LRFN5: variants seen among roughly 807,000 people sequenced by gnomAD.
The protein encoded by LRFN5 is leucine-rich repeat and fibronectin type-III domain-containing protein 5.
LRFN5 carries 24 observed loss-of-function variants against 45.6 expected under a neutral mutation model. The observed-to-expected ratio is 0.53, with a 90% CI of 0.38 to 0.74. The LOEUF (loss-of-function observed/expected upper bound fraction) is 0.74. Ranked by LOEUF, LRFN5 falls within the 30% of genes least tolerant of loss-of-function variation. LRFN5 has a pLI of 0.00. For synonymous variants in LRFN5, 340 were observed against 313.8 expected, an observed-to-expected ratio of 1.08 and a Z score of -0.88; for missense variants, 776 against 861.5, an observed-to-expected ratio of 0.90 and a Z score of 1.24.
In LRFN5 at chr14:41,840,665, A is replaced by G. The variant is rs1191013657; in HGVS notation, c.-20-45941A>G. ...TTTCCCCTCATCCCTTAAGTAGGGA[A>G]AATTGTAACCTTGCCATTATATTAT... On this transcript the variant is annotated intron_variant, in intron 2 of 5. Coordinates refer to ENST00000298119, the MANE Select transcript of LRFN5 (RefSeq NM_152447.5). Among the ~76,000 whole-genome samples the G allele has an allele frequency of 2.0e-5, 3 of 152,018 alleles. No individual in the cohort carries two copies. The East Asian group carries it at 5.8e-4, about 29-fold the overall frequency.
intron 5 of LRFN5, among the ~76,000 whole-genome samples, chr14:41,902,094 G>A (rs988741): frequency 0.64 from 96,628 of 151,686 alleles, 31,115 homozygotes; most frequent in Middle Eastern, 0.78. Context: ...GAGAATAGGG[G>A]CAGTAATAAA....
intron 1 of LRFN5, chr14:41,699,567 C>T (rs186219287): frequency 2.3e-4 from 35 of 152,132 alleles, no homozygotes; most frequent in Admixed American, 1.8e-3. Context: ...AACTTACGAG[C>T]TTAGGAACTT....
At chr14:41,612,942 G>A (rs1594548794) in intron 1 of LRFN5, among the ~76,000 whole-genome samples, 1 of 150,586 alleles carries the variant, frequency 6.6e-6, no homozygotes, top group South Asian at 2.1e-4. Context: ...GAAAGATACT[G>A]TGTTGACAAA....
intron 2 of LRFN5, among the ~76,000 whole-genome samples, chr14:41,832,301 C>T (rs934643353): frequency 1.6e-4 from 24 of 152,120 alleles, no homozygotes; most frequent in African/African-American, 5.6e-4. Flanking sequence ...ATTGGTTAAT[C>T]ACAGGATGTA....
intron 2 of LRFN5, among the ~76,000 whole-genome samples, chr14:41,834,908 C>G (rs1408750053): frequency 2.6e-5 from 4 of 151,904 alleles, no homozygotes; most frequent in Admixed American, 2.6e-4. Context: ...AGCAATCCAC[C>G]TACCTTAGCC....
At chr14:41,721,029 G>A (rs1469978730) in intron 1 of LRFN5, among the ~76,000 whole-genome samples, 1 of 152,012 alleles carries the variant, frequency 6.6e-6, no homozygotes, top group Non-Finnish European at 1.5e-5. Context: ...CTTTTCATAG[G>A]TCTAGAAGTA....
intron 2 of LRFN5, among the ~76,000 whole-genome samples, chr14:41,776,538 A>G (rs12881970): frequency 0.27 from 40,309 of 151,968 alleles, 5,845 homozygotes; most frequent in South Asian, 0.43. Flanking sequence ...TTTTATTGTC[A>G]TCAGCTTTTG....
chr14:41,860,275 A>G (rs1889615242), intron 2 of LRFN5, among the ~76,000 whole-genome samples: 1 of 152,222 alleles, frequency 6.6e-6, no homozygotes, highest in Admixed American at 6.5e-5. Flanking sequence ...CAAGAAGAAA[A>G]TGTTGCTTTT....
At chr14:41,610,294 T>C (rs1161416406) in intron 1 of LRFN5, among the ~76,000 whole-genome samples, 1 of 152,172 alleles carries the variant, frequency 6.6e-6, no homozygotes, top group Non-Finnish European at 1.5e-5. Flanking sequence ...TTGAAGAATA[T>C]GGAAGGAAAG....
chr14:41,789,419 CTGATATCGCT>C (rs960966455), intron 2 of LRFN5, among the ~76,000 whole-genome samples: 12 of 152,098 alleles, frequency 7.9e-5, no homozygotes, highest in African/African-American at 2.6e-4. Flanking sequence ...TTCCTCCTCT[CTGATATCGCT>C]TGATATTCAC....
intron 2 of LRFN5, among the ~76,000 whole-genome samples, chr14:41,819,749 C>T (rs780192864): frequency 2.0e-5 from 3 of 152,002 alleles, no homozygotes; most frequent in South Asian, 4.1e-4. Flanking sequence ...GTGCCAAGAA[C>T]GATGGTGTTA....
intron 2 of LRFN5, among the ~76,000 whole-genome samples, chr14:41,799,515 C>T (rs1887251041): frequency 6.6e-6 from 1 of 151,912 alleles, no homozygotes; most frequent in South Asian, 2.1e-4. Context: ...TGAAACATTG[C>T]TTGCCTCCAT....
At chr14:41,873,051 T>C (rs1386609283) in intron 2 of LRFN5, among the ~76,000 whole-genome samples, 1 of 152,198 alleles carries the variant, frequency 6.6e-6, no homozygotes, top group Non-Finnish European at 1.5e-5. Flanking sequence ...CACCCTAAAA[T>C]TGGTAATAGG....
intron 1 of LRFN5, among the ~76,000 whole-genome samples, chr14:41,643,405 A>G (rs1879670944): frequency 6.6e-6 from 1 of 152,172 alleles, no homozygotes; most frequent in Admixed American, 6.5e-5. Flanking sequence ...AATGGAAAAT[A>G]TTTTGGAATG....
chr14:41,859,018 G>C (rs1474331182), intron 2 of LRFN5, among the ~76,000 whole-genome samples: 1 of 152,158 alleles, frequency 6.6e-6, no homozygotes, highest in East Asian at 1.9e-4. Flanking sequence ...ATACACAGTA[G>C]TGTTTTGGAA....
At chr14:41,675,546 G>A (rs941548816) in intron 1 of LRFN5, among the ~76,000 whole-genome samples, 2 of 152,156 alleles carry the variant, frequency 1.3e-5, no homozygotes, top group African/African-American at 2.4e-5. Context: ...GAGCCGAGAT[G>A]GCAGCAGTAC....
At chr14:41,797,735 C>G (rs934075581) in intron 2 of LRFN5, among the ~76,000 whole-genome samples, 1 of 151,622 alleles carries the variant, frequency 6.6e-6, no homozygotes, top group Non-Finnish European at 1.5e-5. Flanking sequence ...ATCTATCTGT[C>G]TGTTCATCTT....
intron 2 of LRFN5, among the ~76,000 whole-genome samples, chr14:41,834,753 C>T (rs1566473246): frequency 1.3e-5 from 2 of 151,984 alleles, no homozygotes; most frequent in African/African-American, 4.8e-5. Context: ...CCTTAACTTC[C>T]CTGGGCTCAA....
intron 1 of LRFN5, among the ~76,000 whole-genome samples, chr14:41,671,640 G>A (rs57926574): frequency 4.1e-4 from 12 of 29,146 alleles, no homozygotes; most frequent in East Asian, 2.3e-3. Flanking sequence ...TTTTTTTTAC[G>A]GAGTTTCCTC....
Sources: gnomAD v4.1 joint callset for allele counts (sites outside exome capture counted in the v4.1 genomes callset) on GRCh38, gnomAD v4.1.1 for gene constraint, MANE v1.5 for transcripts, NCBI Gene and HGNC (gene_info 2026-07-23, HGNC 2026-07-21) for gene names.